The following METTL21A variants were observed in gnomAD, a reference collection of about 807,000 sequenced individuals.
METTL21A encodes the protein protein N-lysine methyltransferase METTL21A.
METTL21A carries 22 observed loss-of-function variants against 20.9 expected under a neutral mutation model. The observed-to-expected ratio is 1.05, with a 90% CI of 0.75 to 1.50. METTL21A has a LOEUF of 1.50. METTL21A is among the 40% of genes most tolerant of loss of function. METTL21A has a pLI of 0.00. For synonymous variants in METTL21A, 93 were observed against 102.0 expected (o/e 0.91, Z 0.53); for missense variants, 271 against 266.8 (o/e 1.02, Z -0.11).
At chr2:207,595,284 G>A (rs953864425) in intron 3 of METTL21A, among the ~76,000 whole-genome samples, 4 of 151,478 alleles carry the variant, frequency 2.6e-5, no homozygotes, top group Admixed American at 2.0e-4. Flanking sequence ...ATGAGCCACC[G>A]CACCCAGCCT....
intron 3 of METTL21A, chr2:207,620,614 C>A: frequency 6.8e-7 from 1 of 1,472,654 alleles, no homozygotes; most frequent in Non-Finnish European, 9.1e-7. Flanking sequence ...TAATACCTAA[C>A]ATACACGGGA....
intron 3 of METTL21A, among the ~76,000 whole-genome samples, chr2:207,590,616 G>T (rs997065734): frequency 6.6e-6 from 1 of 151,804 alleles, no homozygotes; most frequent in Non-Finnish European, 1.5e-5. Flanking sequence ...AGTTTCTTAA[G>T]ACAATAGTTG....
chr2:207,619,283 G>A (rs956983385), intron 3 of METTL21A, among the ~76,000 whole-genome samples: 3 of 150,458 alleles, frequency 2.0e-5, no homozygotes, highest in African/African-American at 2.4e-5. Context: ...ACAGTGGACC[G>A]CCAGGCTTCT....
chr2:207,619,732 T>C (rs1440224321), intron 3 of METTL21A, among the ~76,000 whole-genome samples: 1 of 151,484 alleles, frequency 6.6e-6, no homozygotes, highest in Non-Finnish European at 1.5e-5. Context: ...TATCTTATTC[T>C]GACTTTCCCA....
Position 207,586,343 on chromosome 2 carries a change from G to A in METTL21A, c.260-4183C>T, listed in dbSNP as rs771779705. On this transcript the variant is annotated intron_variant, in intron 3 of 3. Transcript: ENST00000425132. ...GAAAGGACACTCTCTTCAATCAATGGTATTGGGAAACCTGGATATCTGTGT... is the reference window on the plus strand; with the variant it reads ...GAAAGGACACTCTCTTCAATCAATGATATTGGGAAACCTGGATATCTGTGT... Among the ~76,000 whole-genome samples the A allele has an allele frequency of 2.6e-5, 4 of 152,150 alleles. No individual in the cohort carries two copies. In the East Asian group the frequency reaches 5.8e-4, roughly 22 times the overall value.
chr2:207,595,633 G>A (rs1022171862), intron 3 of METTL21A, among the ~76,000 whole-genome samples: 4 of 152,058 alleles, frequency 2.6e-5, no homozygotes, highest in Non-Finnish European at 4.4e-5. Flanking sequence ...GCAGGATCAC[G>A]GCTCACTGCA....
chr2:207,581,833 C>T (rs1389194750), exon 4 of METTL21A: 1 of 702,490 alleles, frequency 1.4e-6, no homozygotes, highest in South Asian at 1.5e-5. Flanking sequence ...TAATTATAGT[C>T]TCCTTCAGTC....
chr2:207,592,096 AT>A (rs1442894848), intron 3 of METTL21A, among the ~76,000 whole-genome samples: 2 of 152,118 alleles, frequency 1.3e-5, no homozygotes, highest in Non-Finnish European at 2.9e-5. Flanking sequence ...TTTGAAAGAT[AT>A]TTTTGCTGGG....
chr2:207,620,648 G>A, intron 3 of METTL21A: 3 of 1,534,460 alleles, frequency 2.0e-6, no homozygotes, highest in Non-Finnish European at 2.6e-6. Context: ...CACCTGAAAA[G>A]AATAAAAGGC....
chr2:207,621,466 C>G (rs1415154894), intron 3 of METTL21A, among the ~76,000 whole-genome samples: 1 of 152,178 alleles, frequency 6.6e-6, no homozygotes, highest in Non-Finnish European at 1.5e-5. Context: ...GTGAAAAAAA[C>G]TCTATACATG....
intron 3 of METTL21A, among the ~76,000 whole-genome samples, chr2:207,585,846 A>C (rs374633068): frequency 3.9e-5 from 6 of 152,144 alleles, no homozygotes; most frequent in African/African-American, 1.4e-4. Flanking sequence ...ACACACACTA[A>C]AAAGGATGAA....
At chr2:207,622,874 G>A (rs2090661374) in intron 2 of METTL21A, among the ~76,000 whole-genome samples, 1 of 151,872 alleles carries the variant, frequency 6.6e-6, no homozygotes, top group South Asian at 2.1e-4. Context: ...TTCTTGGTGA[G>A]CATTTACGAG....
chr2:207,615,988 ATCCACCC>A (rs928900477), intron 3 of METTL21A, among the ~76,000 whole-genome samples: 11 of 151,958 alleles, frequency 7.2e-5, no homozygotes, highest in African/African-American at 2.7e-4. Flanking sequence ...GGCTCAAGCA[ATCCACCC>A]GTCTTGGCCT....
At chr2:207,600,198 A>G (rs1424350784) in intron 3 of METTL21A, 1 of 173,834 alleles carries the variant, frequency 5.8e-6, no homozygotes, top group Non-Finnish European at 1.2e-5. Context: ...CTTCATTTAG[A>G]TATTCTTGGG....
chr2:207,613,042 C>T, exon 4 of METTL21A: 1 of 1,540,322 alleles, frequency 6.5e-7, no homozygotes. Flanking sequence ...TAAATTATAG[C>T]CAATTATAAG....
chr2:207,619,098 G>C (rs549425406), intron 3 of METTL21A, among the ~76,000 whole-genome samples: 1 of 152,056 alleles, frequency 6.6e-6, no homozygotes, highest in African/African-American at 2.4e-5. Flanking sequence ...CAGAACACAG[G>C]AACTACTCAG....
At chr2:207,593,452 C>T (rs1368437900) in intron 3 of METTL21A, among the ~76,000 whole-genome samples, 1 of 152,136 alleles carries the variant, frequency 6.6e-6, no homozygotes, top group East Asian at 1.9e-4. Context: ...ATCACTTGAG[C>T]CTGGGAGGTC....
At chr2:207,621,858 G>A (rs150521439) in exon 3 of METTL21A, 51 of 1,614,052 alleles carry the variant, frequency 3.2e-5, no homozygotes, top group African/African-American at 8.0e-5. Context: ...CCAGCTCCAC[G>A]GCAGAGCGGC....
At chr2:207,618,657 G>A (rs918162025) in intron 3 of METTL21A, among the ~76,000 whole-genome samples, 5 of 152,062 alleles carry the variant, frequency 3.3e-5, no homozygotes, top group Non-Finnish European at 7.4e-5. Context: ...GAAGTGAGCC[G>A]AGATCGCACC....
Sources: gnomAD v4.1 joint callset for allele counts (sites outside exome capture counted in the v4.1 genomes callset) on GRCh38, gnomAD v4.1.1 for gene constraint, MANE v1.5 for transcripts, NCBI Gene and HGNC (gene_info 2026-07-23, HGNC 2026-07-21) for gene names.